The following FUT8 variants were observed in gnomAD, a reference collection of about 807,000 sequenced individuals.
The protein encoded by FUT8 is fucosyltransferase 8.
In FUT8, 29 loss-of-function variants were observed where a neutral mutation model predicts 71.3. That is an observed-to-expected ratio of 0.41 (90% confidence interval 0.30 to 0.55). FUT8 has a LOEUF of 0.55. Ranked by LOEUF, FUT8 falls within the 20% of genes least tolerant of loss-of-function variation. The probability of loss-of-function intolerance (pLI) is 0.34; values close to 1 mark genes in which losing one functional copy is unlikely to be tolerated. For missense variants in FUT8, 544 were observed against 702.1 expected (o/e 0.77, Z 2.55); for synonymous variants, 254 against 239.3 (o/e 1.06, Z -0.57).
In FUT8 at chr14:65,556,146, A is replaced by G. The variant is rs958314891; in HGVS notation, c.-227-5191A>G. Among the ~76,000 whole-genome samples, 8 of 152,216 alleles carry G rather than the reference A, an allele frequency of 5.3e-5. No homozygotes were observed. In the South Asian group the frequency reaches 1.7e-3, roughly 32 times the overall value. The stretch of plus-strand genomic sequence containing the variant: ...TATTAATTATTTATTGCTATGTAAC[A>G]CATTACCTTTAGACTAAGTGGTTTA... On this transcript the variant is annotated intron_variant, in intron 2 of 10. Transcript: ENST00000673929.
rs1177822224 is a variant in FUT8 at position 65,495,027 on chromosome 14, C to A, written c.-228+39309C>A. Among the ~76,000 whole-genome samples the A allele has an allele frequency of 2.6e-5, 4 of 151,986 alleles. No individual in the cohort carries two copies. The East Asian group carries it at 5.8e-4, about 22-fold the overall frequency. ...TAGATAGAGCTCTGGAGGAGAGGCA[C>A]ACAGTTCTTACTTAGTGTGAAACAT... On this transcript the variant is annotated intron_variant, in intron 2 of 10. Transcript: ENST00000673929.
intron 2 of FUT8, among the ~76,000 whole-genome samples, chr14:65,522,365 T>C (rs1883139829): frequency 6.6e-6 from 1 of 152,210 alleles, no homozygotes; most frequent in Admixed American, 6.5e-5. Flanking sequence ...TCCTTTTTTT[T>C]TAAAGGGATT....
intron 2 of FUT8, among the ~76,000 whole-genome samples, chr14:65,465,520 A>T (rs1348443254): frequency 6.6e-6 from 1 of 152,204 alleles, no homozygotes; most frequent in Admixed American, 6.5e-5. Context: ...AAAATATTTT[A>T]TAATTTCTCA....
chr14:65,407,855 C>T (rs2065093583), upstream of FUT8, among the ~76,000 whole-genome samples: 1 of 152,112 alleles, frequency 6.6e-6, no homozygotes, highest in Non-Finnish European at 1.5e-5. Flanking sequence ...CAGGTTAGTT[C>T]CTCTTGCAAG....
the FUT8 span, among the ~76,000 whole-genome samples, chr14:65,362,380 T>C: frequency 6.6e-6 from 1 of 152,154 alleles, no homozygotes; most frequent in Non-Finnish European, 1.5e-5. Flanking sequence ...AATGACTCAA[T>C]GGATTACAGA....
At chr14:65,626,436 T>C (rs1459831333) in intron 5 of FUT8, among the ~76,000 whole-genome samples, 1 of 152,196 alleles carries the variant, frequency 6.6e-6, no homozygotes, top group Non-Finnish European at 1.5e-5. Context: ...TTTTTGGATA[T>C]TTACATTGAG....
At chr14:65,659,998 C>A (rs951071847) in intron 6 of FUT8, among the ~76,000 whole-genome samples, 3 of 152,142 alleles carry the variant, frequency 2.0e-5, no homozygotes, top group Admixed American at 6.6e-5. Flanking sequence ...TGAGAAGATA[C>A]ATTTTCTGTG....
intron 2 of FUT8, among the ~76,000 whole-genome samples, chr14:65,545,426 C>A (rs1384369332): frequency 1.3e-5 from 2 of 151,544 alleles, no homozygotes; most frequent in East Asian, 1.9e-4. Context: ...ATTTATAATT[C>A]TCTTTATCAA....
At chr14:65,508,340 G>C (rs1882072170) in intron 2 of FUT8, among the ~76,000 whole-genome samples, 1 of 151,650 alleles carries the variant, frequency 6.6e-6, no homozygotes, top group African/African-American at 2.4e-5. Flanking sequence ...AAAGTGCTAG[G>C]ATTACAGGCG....
intron 3 of FUT8, among the ~76,000 whole-genome samples, chr14:65,605,564 G>A (rs1888537172): frequency 6.6e-6 from 1 of 151,958 alleles, no homozygotes; most frequent in Admixed American, 6.6e-5. Context: ...GTTGAGAAGA[G>A]GCAGACTTCT....
chr14:65,616,483 A>G lies in FUT8; in HGVS notation c.482+110A>G, dbSNP rs573689097. 140 of 967,310 alleles carry G rather than the reference A, an allele frequency of 1.4e-4. 1 individual carries two copies. The Middle Eastern group carries it at 5.4e-3, about 38-fold the overall frequency. 59.9% of individuals were successfully genotyped at this position (967,310 alleles called of 1,614,324 possible). A position where few individuals can be genotyped will look rare whatever the true frequency, so the allele number is the denominator to read the frequency against. On this transcript the variant is annotated intron_variant, in intron 5 of 10. Coordinates refer to ENST00000673929, the MANE Select transcript of FUT8 (RefSeq NM_001371533.1). ...TGAGTGGTAAATATTAATAGCACCT[A>G]CAATATTTAAGAGGCGAAGAGTACC...
intron 2 of FUT8, among the ~76,000 whole-genome samples, chr14:65,491,150 A>T (rs1289913858): frequency 6.6e-6 from 1 of 152,170 alleles, no homozygotes; most frequent in African/African-American, 2.4e-5. Flanking sequence ...AGGTGCAAAT[A>T]TATGCATTAA....
chr14:65,630,742 A>C (rs776448133), intron 6 of FUT8, among the ~76,000 whole-genome samples: 6 of 152,186 alleles, frequency 3.9e-5, no homozygotes, highest in Non-Finnish European at 8.8e-5. Context: ...TAATGGGGAC[A>C]TCATTATCTG....
intron 6 of FUT8, among the ~76,000 whole-genome samples, chr14:65,649,283 G>A (rs947688435): frequency 2.0e-5 from 3 of 152,168 alleles, no homozygotes; most frequent in African/African-American, 7.2e-5. Flanking sequence ...CCTGAGGTTG[G>A]TGATTTTTTG....
intron 2 of FUT8, among the ~76,000 whole-genome samples, chr14:65,536,287 T>C (rs1400767654): frequency 1.3e-5 from 2 of 152,210 alleles, no homozygotes; most frequent in African/African-American, 4.8e-5. Flanking sequence ...GATTTGATCT[T>C]GTTATTGTGT....
chr14:65,527,496 G>T (rs974539384), intron 2 of FUT8, among the ~76,000 whole-genome samples: 1 of 152,092 alleles, frequency 6.6e-6, no homozygotes, highest in African/African-American at 2.4e-5. Context: ...TAGCTTCTTT[G>T]TGATGGGTTT....
chr14:65,416,648 C>A (rs190373689), intron 1 of FUT8, among the ~76,000 whole-genome samples: 2 of 151,426 alleles, frequency 1.3e-5, no homozygotes, highest in East Asian at 1.9e-4. Context: ...TATAGTGAAA[C>A]AATTAAACAT....
At chr14:65,580,608 T>C (rs1887039916) in intron 3 of FUT8, among the ~76,000 whole-genome samples, 1 of 152,044 alleles carries the variant, frequency 6.6e-6, no homozygotes, top group South Asian at 2.1e-4. Context: ...TGATTGTTTT[T>C]GATAGGTATT....
At chr14:65,641,078 C>T (rs1890806025) in intron 6 of FUT8, among the ~76,000 whole-genome samples, 2 of 152,008 alleles carry the variant, frequency 1.3e-5, no homozygotes, top group Non-Finnish European at 1.5e-5. Context: ...TAAGTTTTGA[C>T]GTATACAGAC....
Sources: gnomAD v4.1 joint callset for allele counts (sites outside exome capture counted in the v4.1 genomes callset) on GRCh38, gnomAD v4.1.1 for gene constraint, MANE v1.5 for transcripts, NCBI Gene and HGNC (gene_info 2026-07-23, HGNC 2026-07-21) for gene names.